The following CACNA1C variants were observed in gnomAD, a reference collection of about 807,000 sequenced individuals.
CACNA1C encodes the protein voltage-dependent L-type calcium channel subunit alpha-1C.
CACNA1C carries 30 observed loss-of-function variants against 229.0 expected under a neutral mutation model. That is an observed-to-expected ratio of 0.13 (90% CI 0.10 to 0.18). The LOEUF (loss-of-function observed/expected upper bound fraction) is 0.18, where lower values mean the gene tolerates loss of function less well. CACNA1C is among the 10% of genes least tolerant of loss of function. The probability of loss-of-function intolerance (pLI) is 1.00; values close to 1 mark genes in which losing one functional copy is unlikely to be tolerated. For missense variants in CACNA1C, 1,658 were observed against 2,845.0 expected (o/e 0.58, Z 9.49); for synonymous variants, 1,114 against 1,132.5 (o/e 0.98, Z 0.33).
intron 3 of CACNA1C, among the ~76,000 whole-genome samples, chr12:2,173,644 C>G (rs902641264): frequency 6.6e-6 from 1 of 152,062 alleles, no homozygotes; most frequent in Non-Finnish European, 1.5e-5. Flanking sequence ...TCCCTTTCTC[C>G]CCGCCTGAGC....
intron 38 of CACNA1C, 93 bp downstream of exon 38, chr12:2,669,128 C>T (rs1322889666): frequency 4.5e-6 from 4 of 883,304 alleles, no homozygotes; most frequent in South Asian, 1.3e-5. Context: ...CTCAAGGGAA[C>T]TTCCTGCCCC....
At chr12:2,401,078 T>C (rs1417790544) in intron 3 of CACNA1C, among the ~76,000 whole-genome samples, 8 of 152,156 alleles carry the variant, frequency 5.3e-5, no homozygotes, top group Admixed American at 3.9e-4. Flanking sequence ...CTCTCCCAGC[T>C]CCTGCCCACA....
At chr12:1,989,278 A>G (rs1319982609) in intron 1 of CACNA1C, among the ~76,000 whole-genome samples, 7 of 152,214 alleles carry the variant, frequency 4.6e-5, no homozygotes, top group Non-Finnish European at 7.4e-5. Context: ...CAAGGTTGCA[A>G]TGAGGCTATG....
chr12:2,170,108 C>T (rs1049891257), intron 3 of CACNA1C, among the ~76,000 whole-genome samples: 3 of 152,158 alleles, frequency 2.0e-5, no homozygotes, highest in African/African-American at 7.2e-5. Context: ...ATAGTAGATG[C>T]TTAGGAGATG....
intron 1 of CACNA1C, among the ~76,000 whole-genome samples, chr12:2,063,767 C>T (rs757738504): frequency 7.9e-5 from 12 of 152,326 alleles, no homozygotes; most frequent in South Asian, 2.1e-4. Context: ...AAGCACACGC[C>T]ACATTTTGCT....
intron 11 of CACNA1C, among the ~76,000 whole-genome samples, chr12:2,557,381 A>T (rs925568492): frequency 6.6e-6 from 1 of 152,192 alleles, no homozygotes; most frequent in African/African-American, 2.4e-5. Context: ...TAGGATTATG[A>T]CACCCGTCTG....
chr12:2,618,522 C>T (rs563737120), intron 29 of CACNA1C, among the ~76,000 whole-genome samples: 13 of 152,354 alleles, frequency 8.5e-5, no homozygotes, highest in East Asian at 3.9e-4. Context: ...ACTGCCCCAC[C>T]GGTGCCCTGG....
chr12:2,212,811 A>G (rs1199968930), intron 3 of CACNA1C, among the ~76,000 whole-genome samples: 1 of 152,074 alleles, frequency 6.6e-6, no homozygotes, highest in Non-Finnish European at 1.5e-5. Flanking sequence ...GCCTTCATGG[A>G]GCTTACAGTC....
intron 1 of CACNA1C, among the ~76,000 whole-genome samples, chr12:1,998,758 T>C (rs1252280047): frequency 6.6e-6 from 1 of 152,202 alleles, no homozygotes; most frequent in African/African-American, 2.4e-5. Flanking sequence ...CACATGTAAG[T>C]ATCCAGGTGT....
intron 3 of CACNA1C, among the ~76,000 whole-genome samples, chr12:2,179,702 G>A (rs1407685921): frequency 6.6e-6 from 1 of 152,222 alleles, no homozygotes; most frequent in Non-Finnish European, 1.5e-5. Flanking sequence ...GGAAAATGGA[G>A]ACTGGCAAAG....
At chr12:2,236,630 A>G (rs75269774) in intron 3 of CACNA1C, among the ~76,000 whole-genome samples, 1,707 of 152,230 alleles carry the variant, frequency 0.011, 15 homozygotes, top group Non-Finnish European at 0.019. Flanking sequence ...TTTCTCAGTT[A>G]CCATTATATG....
intron 3 of CACNA1C, among the ~76,000 whole-genome samples, chr12:2,193,981 A>G (rs2097320056): frequency 6.6e-6 from 1 of 152,048 alleles, no homozygotes; most frequent in Non-Finnish European, 1.5e-5. Context: ...GGCCACTCCC[A>G]TGTGAACCTC....
rs1280288121 is a variant in CACNA1C at position 2,346,051 on chromosome 12, G to A, written c.478-102925G>A. ...GCAGTGATGGGAGGAGGCTGAGATA[G>A]TGCTGAAGATGCACAGCCTCTGTGT... On this transcript the variant is annotated intron_variant, in intron 3 of 46. Coordinates refer to ENST00000399655, the MANE Select transcript of CACNA1C (RefSeq NM_000719.7). The surrounding 1 kb of genome is among the most constrained non-coding windows in gnomAD (Gnocchi z 4.4). Among the ~76,000 whole-genome samples the A allele has an allele frequency of 1.3e-5, 2 of 152,200 alleles. No homozygotes were observed. Among genetic ancestry groups the A allele is most frequent in the Non-Finnish European group, 2.9e-5 (2 of 68,028 alleles).
chr12:2,063,538 G>A (rs553270819), intron 1 of CACNA1C, among the ~76,000 whole-genome samples: 8 of 152,354 alleles, frequency 5.3e-5, no homozygotes, highest in African/African-American at 1.9e-4. Context: ...GATAGGTCAT[G>A]ACAATTTACA....
rs186763639 is a variant in CACNA1C, at chr12:2,214,686, G to A, written c.477+94256G>A. On this transcript the variant is annotated intron_variant, in intron 3 of 46. Coordinates refer to ENST00000399655, the MANE Select transcript of CACNA1C (RefSeq NM_000719.7). ...CTCCCTGCTCCGGGGAGGTGGGCCCGGGACCCCAGGAGTGTGCCTGAGGAC... is the reference window on the plus strand; with the variant it reads ...CTCCCTGCTCCGGGGAGGTGGGCCCAGGACCCCAGGAGTGTGCCTGAGGAC... Among the ~76,000 whole-genome samples, 38 of 151,890 alleles carry A rather than the reference G, an allele frequency of 2.5e-4. No individual in the cohort carries two copies. In the East Asian group the frequency reaches 6.0e-3, roughly 24 times the overall value.
At chr12:2,437,327 C>A (rs2099144208) in intron 3 of CACNA1C, among the ~76,000 whole-genome samples, 2 of 152,130 alleles carry the variant, frequency 1.3e-5, no homozygotes, top group South Asian at 4.1e-4. Context: ...CCCAACAAAG[C>A]CCCAACACAC....
chr12:2,492,964 G>A (rs1188021627), intron 6 of CACNA1C, among the ~76,000 whole-genome samples: 2 of 152,212 alleles, frequency 1.3e-5, no homozygotes, highest in Non-Finnish European at 2.9e-5. Flanking sequence ...GAGTGGAAAG[G>A]ACTGACCTTC....
chr12:2,578,852 G>A (rs1051429526), intron 13 of CACNA1C, among the ~76,000 whole-genome samples: 2 of 152,126 alleles, frequency 1.3e-5, no homozygotes, highest in African/African-American at 2.4e-5. Flanking sequence ...TCCAGACACA[G>A]CTCTGTGTCC....
At chr12:2,650,839 C>T (rs1035944762) in intron 31 of CACNA1C, among the ~76,000 whole-genome samples, 1 of 152,166 alleles carries the variant, frequency 6.6e-6, no homozygotes, top group African/African-American at 2.4e-5. Context: ...GCAGAAGCCT[C>T]ACTTGCAAGG....
Sources: allele counts gnomAD v4.1 joint callset (sites outside exome capture counted in the v4.1 genomes callset), GRCh38; gene constraint gnomAD v4.1.1; non-coding constraint Gnocchi (gnomAD v3.1); transcripts MANE v1.5; gene names NCBI Gene and HGNC (gene_info 2026-07-23, HGNC 2026-07-21).